The following ITGA4 variants were observed in gnomAD, a reference collection of about 807,000 sequenced individuals.
ITGA4 encodes the protein integrin subunit alpha 4.
ITGA4 carries 63 observed loss-of-function variants against 133.6 expected under a neutral mutation model. That is an observed-to-expected ratio of 0.47 (90% CI 0.38 to 0.58). ITGA4 has a LOEUF of 0.58. ITGA4 is among the 20% of genes least tolerant of loss of function. ITGA4 has a pLI of 0.00. For missense variants in ITGA4, 1,076 were observed against 1,252.7 expected, an observed-to-expected ratio of 0.86 and a Z score of 2.13; for synonymous variants, 483 against 438.0, an observed-to-expected ratio of 1.10 and a Z score of -1.28.
At chr2:181,464,460 G>T (rs1235562729) in intron 2 of ITGA4, among the ~76,000 whole-genome samples, 1 of 152,118 alleles carries the variant, frequency 6.6e-6, no homozygotes, top group Non-Finnish European at 1.5e-5. Context: ...GAGTAACTCA[G>T]TTGAGATGAT....
intron 2 of ITGA4, among the ~76,000 whole-genome samples, chr2:181,463,051 C>T (rs538612601): frequency 6.6e-6 from 1 of 152,168 alleles, no homozygotes; most frequent in East Asian, 1.9e-4. Flanking sequence ...GTGATGCATT[C>T]CTGAAGAATT....
chr2:181,474,821 A>G, intron 2 of ITGA4, 139 bp from the exon 3 acceptor site: 1 of 637,906 alleles, frequency 1.6e-6, no homozygotes, highest in Non-Finnish European at 2.7e-6. Context: ...AGAGTAATTC[A>G]CATTTATCCT....
intron 15 of ITGA4, among the ~76,000 whole-genome samples, chr2:181,503,735 C>A (rs1686333847): frequency 1.3e-5 from 2 of 151,924 alleles, no homozygotes; most frequent in South Asian, 2.1e-4. Flanking sequence ...TCATTTATAT[C>A]TTTTAGTGTT....
Position 181,516,815 on chromosome 2 carries a change from G to A in ITGA4, c.1922+5040G>A, listed in dbSNP as rs1686615594. 6.6e-6 allele frequency among the ~76,000 whole-genome samples: 1 copy of A among 152,048 alleles called. No homozygotes were observed. ...CTGTTGGCTAGACAATGAGCAAGGAGCAACATCTGCCACCATGCTGTTAAT... is the reference window on the plus strand; with the variant it reads ...CTGTTGGCTAGACAATGAGCAAGGAACAACATCTGCCACCATGCTGTTAAT... On this transcript the variant is annotated intron_variant, in intron 17 of 27. Coordinates refer to ENST00000397033, the MANE Select transcript of ITGA4 (RefSeq NM_000885.6). This position sits in a 1 kb window ranked among gnomAD's most constrained non-coding sequence, Gnocchi z 4.0.
In ITGA4 at chr2:181,537,687, T is replaced by C. The variant is rs1402164681; in HGVS notation, c.*2160T>C. 3 of 422,218 alleles carry C rather than the reference T, an allele frequency of 7.1e-6. No homozygotes were observed. The highest frequency in any genetic ancestry group is 5.1e-5 in the South Asian group (3 of 58,394). The allele number at this position is 422,218 out of a possible 1,614,324, so 26.2% of individuals were successfully genotyped here. ...TTTCAGAATTATCTAGGTTAAATAT[T>C]GATGTATTATGATGGTTGCAAAGTT... On this transcript the variant is annotated 3_prime_UTR_variant, in exon 28 of 28. Coordinates refer to ENST00000397033, the MANE Select transcript of ITGA4 (RefSeq NM_000885.6).
Position 181,458,288 on chromosome 2 carries a change from C to T in ITGA4, c.290C>T (p.Pro97Leu). Residue 97 changes from proline (P) to leucine (L), a missense_variant, in exon 2 of 28, where the codon CCC becomes CTC. Pro to Leu is a moderately conservative substitution (Grantham distance 98). Around this residue, in one of 4 missense-constraint regions of ITGA4, gnomAD observed 436 missense variants for 590.7 expected, o/e 0.74. Transcript: ENST00000397033. ...TACAGATGCAGGATCGGAAAGAATC[C>T]CGGCCAGACGTGCGAACAGCTCCAG... ...AIYRCRIGKN[P>L]GQTCEQLQLG... The T allele has an allele frequency of 1.2e-6, 2 of 1,612,518 alleles. No individual in the cohort carries two copies. The highest frequency in any genetic ancestry group is 8.5e-7 in the Non-Finnish European group (1 of 1,179,332).
intron 4 of ITGA4, chr2:181,475,738 A>C (rs1025286828): frequency 6.6e-7 from 1 of 1,511,162 alleles, no homozygotes; most frequent in Non-Finnish European, 8.9e-7. Context: ...CTCTTTTTCT[A>C]ATTTACATGT....
At chr2:181,498,545 TTAAC>T (rs1686204340) in intron 14 of ITGA4, 74 bp from the exon 15 acceptor site, 5 of 866,608 alleles carry the variant, frequency 5.8e-6, no homozygotes, top group African/African-American at 1.7e-5. Context: ...CCATATAACT[TTAAC>T]TATTATCACT....
rs1686757253 is a variant in ITGA4 at position 181,523,233 on chromosome 2, TATATATACACATAC to T, written c.2074-192_2074-179del. On this transcript the variant is annotated intron_variant, in intron 18 of 27. Transcript: ENST00000397033. This position sits in a 1 kb window ranked among gnomAD's most constrained non-coding sequence, Gnocchi z 4.2. ...ATATATACACACATATATACATACA[TATATATACACATAC>T]ATATATACACACATGCACACATATT... The T allele has an allele frequency of 2.2e-6, 1 of 449,590 alleles. No homozygotes were observed. Among genetic ancestry groups the T allele is most frequent in the Non-Finnish European group, 4.1e-6 (1 of 244,416 alleles). 27.9% of individuals were successfully genotyped at this position (449,590 alleles called of 1,614,324 possible).
In ITGA4 at chr2:181,538,187, C is replaced by T. The variant is rs752334385; in HGVS notation, c.*2660C>T. 2.7e-5 allele frequency: 42 copies of T among 1,567,380 alleles called. No homozygotes were observed. The highest frequency in any genetic ancestry group is 3.2e-5 in the Non-Finnish European group (36 of 1,139,222). Reference sequence around the variant, plus strand: ...TTCTTTTAGAAACAATTACATGTTACTTTGGAATCATTTCTTCCATGCTTC... The same window carrying T: ...TTCTTTTAGAAACAATTACATGTTATTTTGGAATCATTTCTTCCATGCTTC... On this transcript the variant is annotated 3_prime_UTR_variant, in exon 28 of 28. Coordinates refer to ENST00000397033, the MANE Select transcript of ITGA4 (RefSeq NM_000885.6).
Position 181,495,827 on chromosome 2 carries a change from A to T in ITGA4, c.1430A>T (p.Glu477Val). 6.2e-7 allele frequency: 1 copy of T among 1,613,968 alleles called. No individual in the cohort carries two copies. The highest frequency in any genetic ancestry group is 8.5e-7 in the Non-Finnish European group (1 of 1,179,866). Residue 477 changes from glutamate (E) to valine (V), a missense_variant, in exon 14 of 28, where the codon GAG (glutamate) becomes GTG (valine). This residue lies in a region of ITGA4 where 436 missense variants were observed against 590.7 expected (regional missense o/e 0.74). Coordinates refer to ENST00000397033, the MANE Select transcript of ITGA4 (RefSeq NM_000885.6). This position sits in a 1 kb window ranked among gnomAD's most constrained non-coding sequence, Gnocchi z 4.3. ...GTTGACGCTTCTTTAAGCCACCCTG[A>T]GTCAGTAAATAGAACGAAATTTGAC... ...VIVDASLSHP[E>V]SVNRTKFDCV... is the part of the protein sequence containing the mutation.
chr2:181,483,342 A>C (rs1181446068), intron 9 of ITGA4, among the ~76,000 whole-genome samples: 74 of 152,314 alleles, frequency 4.9e-4, no homozygotes, highest in Non-Finnish European at 9.8e-4. Context: ...AAGTCAAAAC[A>C]AAAAATTGGT....
intron 6 of ITGA4, 99 bp downstream of exon 6, chr2:181,480,365 C>A: frequency 1.6e-6 from 1 of 623,424 alleles, no homozygotes; most frequent in Non-Finnish European, 2.5e-6. Flanking sequence ...ATCTAAATGG[C>A]CAGTATAATT....
intron 17 of ITGA4, among the ~76,000 whole-genome samples, chr2:181,512,030 CAG>C (rs1002091595): frequency 4.6e-5 from 7 of 151,938 alleles, no homozygotes; most frequent in African/African-American, 1.4e-4. Flanking sequence ...GAAGGGGAAA[CAG>C]AGTAAAAAGG....
chr2:181,476,358 A>C (rs1685676139), intron 4 of ITGA4: 1 of 152,220 alleles, frequency 6.6e-6, no homozygotes, highest in Admixed American at 6.5e-5. Context: ...ACCCATCTAC[A>C]ATTGTAAAAT....
At chr2:181,530,121 T>G (rs1686914395) in intron 23 of ITGA4, among the ~76,000 whole-genome samples, 1 of 152,202 alleles carries the variant, frequency 6.6e-6, no homozygotes, top group African/African-American at 2.4e-5. Flanking sequence ...AAGACAAAAG[T>G]CAACAAATCT....
intron 15 of ITGA4, among the ~76,000 whole-genome samples, chr2:181,500,460 AAAGCAT>A (rs1686244353): frequency 6.6e-6 from 1 of 152,180 alleles, no homozygotes; most frequent in African/African-American, 2.4e-5. Context: ...CTACAGTCTG[AAAGCAT>A]AAGACAGCAA....
intron 4 of ITGA4, among the ~76,000 whole-genome samples, 157 bp downstream of exon 4, chr2:181,475,445 G>A (rs920862760): frequency 6.6e-6 from 1 of 152,024 alleles, no homozygotes; most frequent in Admixed American, 6.6e-5. Context: ...TTACCCAATT[G>A]CAATAGCATT....
rs138410900 is a variant in ITGA4, at chr2:181,494,099, G to A, written c.1249-623G>A. On this transcript the variant is annotated intron_variant, in intron 11 of 27. Coordinates refer to ENST00000397033, the MANE Select transcript of ITGA4 (RefSeq NM_000885.6). ...GTAAAAAAACTAATTTTCTTAGCAC[G>A]AATATCAGCTTAATATTTATAAACC... Among the ~76,000 whole-genome samples the A allele has an allele frequency of 4.3e-3, 654 of 152,210 alleles. 5 individuals carry two copies. Among genetic ancestry groups the A allele is most frequent in the African/African-American group, 0.015 (618 of 41,516 alleles).
Sources: allele counts gnomAD v4.1 joint callset (sites outside exome capture counted in the v4.1 genomes callset), GRCh38; gene constraint gnomAD v4.1.1; regional missense constraint gnomAD v4.1.1; non-coding constraint Gnocchi (gnomAD v3.1); transcripts MANE v1.5; gene names NCBI Gene and HGNC (gene_info 2026-07-23, HGNC 2026-07-21).